The following CADPS variants were observed in gnomAD, a reference collection of about 807,000 sequenced individuals.
CADPS encodes calcium dependent secretion activator.
A neutral mutation model predicts 167.3 loss-of-function variants in CADPS; 57 were observed. The observed-to-expected ratio is 0.34, with a 90% CI of 0.28 to 0.42. The LOEUF (loss-of-function observed/expected upper bound fraction) is 0.42. CADPS is among the 20% of genes least tolerant of loss of function. The pLI, the probability that CADPS is intolerant of heterozygous loss-of-function variation, is 1.00. For missense variants in CADPS, 1,414 were observed against 1,738.1 expected (o/e 0.81, Z 3.32); for synonymous variants, 676 against 635.3 (o/e 1.06, Z -0.96).
At chr3:62,729,457 C>T (rs1575570442) in intron 3 of CADPS, among the ~76,000 whole-genome samples, 1 of 151,954 alleles carries the variant, frequency 6.6e-6, no homozygotes, top group Non-Finnish European at 1.5e-5. Context: ...GTGGTTTGCA[C>T]ACCAGCCAAA....
At chr3:62,445,723 A>G in intron 27 of CADPS, 42 bp downstream of exon 27, 2 of 1,408,910 alleles carry the variant, frequency 1.4e-6, no homozygotes, top group Non-Finnish European at 1.9e-6. Flanking sequence ...AAAAAAAAAA[A>G]AAACAAAAAA....
At chr3:62,691,451 C>T (rs998328994) in intron 3 of CADPS, among the ~76,000 whole-genome samples, 2 of 151,940 alleles carry the variant, frequency 1.3e-5, no homozygotes, top group Non-Finnish European at 2.9e-5. Context: ...AAGATCTCTA[C>T]TTTCTGCTCA....
intron 10 of CADPS, among the ~76,000 whole-genome samples, chr3:62,551,675 C>T (rs2077341319): frequency 6.6e-6 from 1 of 152,182 alleles, no homozygotes; most frequent in Non-Finnish European, 1.5e-5. Context: ...AATACTCTCT[C>T]TCTCCCTCTA....
In CADPS at chr3:62,874,487, C is replaced by G; in HGVS notation, c.441+102G>C. ...TTTCCCCAGGGCGCGGTCTCCACCT[C>G]TCCTGCTCCTCCTCGCCAGCTGCGC... On this transcript the variant is annotated intron_variant, in intron 1 of 29. Transcript: ENST00000383710. This position sits in a 1 kb window ranked among gnomAD's most constrained non-coding sequence, Gnocchi z 7.1. 1.1e-6 allele frequency: 1 copy of G among 919,810 alleles called. No individual in the cohort carries two copies. The highest frequency in any genetic ancestry group is 1.7e-6 in the Non-Finnish European group (1 of 600,208). 57.0% of individuals were successfully genotyped at this position (919,810 alleles called of 1,614,324 possible).
At chr3:62,409,876 T>C (rs1028544271) in intron 28 of CADPS, among the ~76,000 whole-genome samples, 1 of 152,184 alleles carries the variant, frequency 6.6e-6, no homozygotes, top group African/African-American at 2.4e-5. Flanking sequence ...AAATTAAAGA[T>C]GTCATCAGGA....
chr3:62,491,357 T>C lies in CADPS; in HGVS notation c.3008A>G (p.Glu1003Gly). The C allele has an allele frequency of 6.2e-7, 1 of 1,614,060 alleles. No homozygotes were observed. The highest frequency in any genetic ancestry group is 8.5e-7 in the Non-Finnish European group (1 of 1,179,974). ...TCCTTACTTGACTGGTTCCCATGAC[T>C]CCCGCTCAAAGCCCCTGTGAATGGA... ...AQSIHRGFER[E>G]SWEPVKSLTS... is the part of the protein sequence containing the mutation. Residue 1003 changes from glutamate (E) to glycine (G), a missense_variant, in exon 21 of 30, where the codon GAG becomes GGG. This residue lies in a region of CADPS where 529 missense variants were observed against 629.6 expected (regional missense o/e 0.84). Coordinates refer to ENST00000383710, the MANE Select transcript of CADPS (RefSeq NM_003716.4).
chr3:62,602,988 A>T lies in CADPS; in HGVS notation c.1326-10240T>A, dbSNP rs2060188345. Among the ~76,000 whole-genome samples, 1 of 152,184 alleles carries T rather than the reference A, an allele frequency of 6.6e-6. No individual in the cohort carries two copies. The highest frequency in any genetic ancestry group is 2.1e-4 in the South Asian group (1 of 4,830). On this transcript the variant is annotated intron_variant, in intron 6 of 29. Transcript: ENST00000383710. The surrounding 1 kb of genome is among the most constrained non-coding windows in gnomAD (Gnocchi z 4.4). ...GCTATGGAGAAAAAGAAAGCAGAAA[A>T]TGGCATTTGGAAGTACCAGGAAGCA...
intron 1 of CADPS, among the ~76,000 whole-genome samples, chr3:62,845,266 G>T (rs1448709975): frequency 1.3e-5 from 2 of 152,190 alleles, no homozygotes; most frequent in East Asian, 3.9e-4. Context: ...AGACCGAGCT[G>T]CATATCCCAA....
intron 18 of CADPS, among the ~76,000 whole-genome samples, chr3:62,497,616 C>T (rs954704883): frequency 2.6e-5 from 4 of 152,172 alleles, no homozygotes; most frequent in African/African-American, 7.2e-5. Context: ...CTGTGCGTTG[C>T]GGATAGATGC....
Position 62,874,912 on chromosome 3 carries a change from C to G in CADPS, c.118G>C (p.Glu40Gln), listed in dbSNP as rs2083394539. Reference sequence around the variant, plus strand: ...AGCCCGGCGCTGCCGGCCGAGCCCTCGCTGGTACGGCTGGGAGACAGGCGC... The same window carrying G: ...AGCCCGGCGCTGCCGGCCGAGCCCTGGCTGGTACGGCTGGGAGACAGGCGC... ...GARLSPSRTSEGSAGSAGLGG... is the reference protein window; with the variant it reads ...GARLSPSRTSQGSAGSAGLGG... Residue 40 changes from glutamate to glutamine, a missense_variant, in exon 1 of 30, where the codon GAG becomes CAG. Glu to Gln is a conservative substitution (Grantham distance 29). Transcript: ENST00000383710. The surrounding 1 kb of genome is among the most constrained non-coding windows in gnomAD (Gnocchi z 7.1). 5 of 1,444,638 alleles carry G rather than the reference C, an allele frequency of 3.5e-6. No homozygotes were observed. Among genetic ancestry groups the G allele is most frequent in the African/African-American group, 2.9e-5 (2 of 67,952 alleles). The allele number at this position is 1,444,638 out of a possible 1,614,324, so 89.5% of individuals were successfully genotyped here.
At chr3:62,410,718 A>G (rs1026601782) in intron 28 of CADPS, among the ~76,000 whole-genome samples, 3 of 152,164 alleles carry the variant, frequency 2.0e-5, no homozygotes, top group Non-Finnish European at 4.4e-5. Context: ...AGTACTGGGT[A>G]TTATTATCTG....
At chr3:62,836,457 G>A (rs958154330) in intron 1 of CADPS, among the ~76,000 whole-genome samples, 5 of 152,108 alleles carry the variant, frequency 3.3e-5, no homozygotes, top group African/African-American at 4.8e-5. Flanking sequence ...GACCACAAAA[G>A]GAAGGCTCCT....
intron 3 of CADPS, among the ~76,000 whole-genome samples, chr3:62,716,351 G>A (rs77563138): frequency 0.087 from 13,260 of 152,182 alleles, 688 homozygotes; most frequent in South Asian, 0.16. Context: ...ATTGTGCCTG[G>A]CCTATGATAA....
chr3:62,774,875 C>T (rs192230930), intron 1 of CADPS, among the ~76,000 whole-genome samples: 2 of 152,254 alleles, frequency 1.3e-5, no homozygotes, highest in Admixed American at 6.5e-5. Flanking sequence ...CTTCCTGATA[C>T]TATACCAAAG....
intron 1 of CADPS, among the ~76,000 whole-genome samples, chr3:62,825,261 C>T (rs1004218055): frequency 2.6e-4 from 39 of 152,052 alleles, no homozygotes; most frequent in African/African-American, 8.7e-4. Context: ...TGGGTGAATA[C>T]CCAAAGTCAG....
intron 13 of CADPS, among the ~76,000 whole-genome samples, chr3:62,526,205 G>C (rs889232406): frequency 6.6e-6 from 1 of 152,042 alleles, no homozygotes; most frequent in Non-Finnish European, 1.5e-5. Context: ...TCTGAACATG[G>C]GCAGCACCTT....
rs564253497 is a variant in CADPS, at chr3:62,500,759, G to A, written c.2600-1491C>T. On this transcript the variant is annotated intron_variant, in intron 17 of 29. Coordinates refer to ENST00000383710, the MANE Select transcript of CADPS (RefSeq NM_003716.4). ...AGGAAGGTTTCTGGCAGGCAGCAGTGGGTGGGAGGAAGTAGGCAGACTTAA... is the reference window on the plus strand; with the variant it reads ...AGGAAGGTTTCTGGCAGGCAGCAGTAGGTGGGAGGAAGTAGGCAGACTTAA... Among the ~76,000 whole-genome samples, 5 of 152,204 alleles carry A rather than the reference G, an allele frequency of 3.3e-5. No homozygotes were observed. The East Asian group carries it at 9.7e-4, about 29-fold the overall frequency.
rs1158996134 is a variant in CADPS, at chr3:62,478,774, C to A, written c.3174-358G>T. On this transcript the variant is annotated intron_variant, in intron 22 of 29. Coordinates refer to ENST00000383710, the MANE Select transcript of CADPS (RefSeq NM_003716.4). This position sits in a 1 kb window ranked among gnomAD's most constrained non-coding sequence, Gnocchi z 5.7. ...GAACCAGGGGGAGAAATAGTCTCAA[C>A]AGATAATAACTACATGGCAACATGC... Among the ~76,000 whole-genome samples the A allele has an allele frequency of 6.6e-6, 1 of 152,200 alleles. No individual in the cohort carries two copies. The highest frequency in any genetic ancestry group is 1.5e-5 in the Non-Finnish European group (1 of 68,036).
intron 1 of CADPS, among the ~76,000 whole-genome samples, chr3:62,783,663 G>A (rs989470): frequency 0.18 from 27,599 of 152,164 alleles, 2,761 homozygotes; most frequent in Middle Eastern, 0.3. Flanking sequence ...ATGTAAGACT[G>A]TTTGTTAAAG....
Sources: gnomAD v4.1 joint callset for allele counts (sites outside exome capture counted in the v4.1 genomes callset) on GRCh38, gnomAD v4.1.1 for gene constraint, gnomAD v4.1.1 regional missense constraint, Gnocchi (gnomAD v3.1) non-coding constraint, MANE v1.5 for transcripts, NCBI Gene and HGNC (gene_info 2026-07-23, HGNC 2026-07-21) for gene names.